USP43: variants seen among roughly 807,000 people sequenced by gnomAD.
USP43 encodes the protein ubiquitin specific peptidase 43.
A neutral mutation model predicts 90.7 loss-of-function variants in USP43; 33 were observed. That is an observed-to-expected ratio of 0.36 (90% CI 0.28 to 0.49). The LOEUF is 0.49. USP43 is among the 20% of genes least tolerant of loss of function. The probability of loss-of-function intolerance (pLI) is 0.98; values close to 1 mark genes in which losing one functional copy is unlikely to be tolerated. For missense variants in USP43, 1,274 were observed against 1,476.4 expected (o/e 0.86, Z 2.25); for synonymous variants, 598 against 615.8 (o/e 0.97, Z 0.43).
chr17:9,713,088 G>A lies in USP43; in HGVS notation c.2335+956G>A, dbSNP rs561040429. Among the ~76,000 whole-genome samples, 9 of 151,932 alleles carry A rather than the reference G, an allele frequency of 5.9e-5. No individual in the cohort carries two copies. The South Asian group carries it at 1.0e-3, about 18-fold the overall frequency. ...ACATGAGAACTTATTTTATCTAACT[G>A]TATATTTGTACTTTTTTTTTGAGAC... On this transcript the variant is annotated intron_variant, in intron 14 of 14. Transcript: ENST00000285199.
intron 14 of USP43, among the ~76,000 whole-genome samples, chr17:9,715,750 G>T (rs1176241175): frequency 4.9e-5 from 5 of 102,476 alleles, no homozygotes; most frequent in Non-Finnish European, 6.1e-5. Context: ...TGTCTCTGTA[G>T]GTATGTGTCT....
intron 2 of USP43, among the ~76,000 whole-genome samples, chr17:9,663,074 T>TTGGGAA (rs1912755303): frequency 6.6e-6 from 1 of 152,022 alleles, no homozygotes. Flanking sequence ...CACCTCGGCT[T>TTGGGAA]CCCAAAGTGC....
intron 1 of USP43, among the ~76,000 whole-genome samples, chr17:9,652,212 C>CAAAAAAAAAAAAAAAAAAAAAAAAAA (rs769295315): frequency 2.3e-5 from 1 of 42,710 alleles, no homozygotes; most frequent in African/African-American, 9.1e-5. Flanking sequence ...GCCCTTAGCG[C>CAAAAAAAAAAAAAAAAAAAAAAAAAA]AAAAAAAAAA....
chr17:9,723,856 G>A (rs1013033810), intron 14 of USP43, among the ~76,000 whole-genome samples: 19 of 151,874 alleles, frequency 1.3e-4, no homozygotes, highest in African/African-American at 3.9e-4. Context: ...TGATCCACCC[G>A]CCTCGGCCTC....
intron 14 of USP43, among the ~76,000 whole-genome samples, chr17:9,723,404 C>T (rs572219215): frequency 5.3e-5 from 8 of 151,950 alleles, no homozygotes; most frequent in Non-Finnish European, 1.0e-4. Flanking sequence ...TAATGATTGT[C>T]TCTCCTGCTT....
At chr17:9,672,006 A>G (rs1425620874) in intron 3 of USP43, among the ~76,000 whole-genome samples, 1 of 151,712 alleles carries the variant, frequency 6.6e-6, no homozygotes, top group Non-Finnish European at 1.5e-5. Flanking sequence ...TTTTATTTTT[A>G]TTTTTTTGAG....
chr17:9,724,792 C>T (rs568390243), intron 14 of USP43, among the ~76,000 whole-genome samples: 2 of 152,318 alleles, frequency 1.3e-5, no homozygotes, highest in East Asian at 1.9e-4. Flanking sequence ...GTATCCCAAG[C>T]GTTGAAGACA....
At chr17:9,659,546 C>G (rs1912504455) in intron 2 of USP43, among the ~76,000 whole-genome samples, 1 of 152,056 alleles carries the variant, frequency 6.6e-6, no homozygotes, top group African/African-American at 2.4e-5. Context: ...TAGGTGGTAC[C>G]TCTTTCTGCT....
At chr17:9,703,464 A>G (rs1238208676) in intron 12 of USP43, among the ~76,000 whole-genome samples, 1 of 152,148 alleles carries the variant, frequency 6.6e-6, no homozygotes, top group East Asian at 1.9e-4. Context: ...AGAATGCCCG[A>G]TTTTGGGGGT....
chr17:9,710,192 C>T (rs932692620), intron 13 of USP43, 78 bp downstream of exon 13: 6 of 1,338,938 alleles, frequency 4.5e-6, no homozygotes, highest in African/African-American at 1.5e-5. Flanking sequence ...AGTTGAACAT[C>T]GAGGACCAGG....
intron 2 of USP43, among the ~76,000 whole-genome samples, chr17:9,657,950 A>T (rs956664487): frequency 2.0e-5 from 3 of 152,240 alleles, no homozygotes; most frequent in Non-Finnish European, 2.9e-5. Context: ...ATTCCATATC[A>T]ATGAGTGAGC....
At chr17:9,657,400 G>C (rs559699317) in intron 2 of USP43, among the ~76,000 whole-genome samples, 1 of 151,834 alleles carries the variant, frequency 6.6e-6, no homozygotes, top group East Asian at 1.9e-4. Flanking sequence ...TCAGCTACTC[G>C]GGAGGCTGAG....
chr17:9,715,969 A>ATG lies in USP43; in HGVS notation c.2335+3847_2335+3848dup, dbSNP rs532624704. ...TGTCTATGTGTATGTATCTGTGTAT[A>ATG]TGTGTGTGTGTCTGTGTTTGTGTAT... On this transcript the variant is annotated intron_variant, in intron 14 of 14. Transcript: ENST00000285199. 1.8e-4 allele frequency among the ~76,000 whole-genome samples: 24 copies of ATG among 133,198 alleles called. No homozygotes were observed. In the East Asian group the frequency reaches 5.4e-3, roughly 30 times the overall value. The allele number at this position is 133,198 out of a possible 152,430, so 87.4% of individuals were successfully genotyped here. A position where few individuals can be genotyped will look rare whatever the true frequency, so the allele number is the denominator to read the frequency against.
chr17:9,654,866 T>C (rs1255318015), intron 1 of USP43, among the ~76,000 whole-genome samples: 1 of 151,698 alleles, frequency 6.6e-6, no homozygotes, highest in East Asian at 1.9e-4. Context: ...GTCTCCCAAG[T>C]AGCTGGGGTT....
chr17:9,694,612 A>ATTAT (rs1175662917), intron 9 of USP43, among the ~76,000 whole-genome samples: 10 of 151,590 alleles, frequency 6.6e-5, no homozygotes, highest in African/African-American at 9.7e-5. Context: ...TTTATTATTT[A>ATTAT]TTATTTATTT....
chr17:9,676,947 G>T lies in USP43; in HGVS notation c.969+66G>T, dbSNP rs1183911380. The stretch of plus-strand genomic sequence containing the variant: ...GAATGCTAACTGAGCCAGCTGTCTA[G>T]GCTGTTTAGGCCAATTTGTGGTTCC... On this transcript the variant is annotated intron_variant, in intron 5 of 14. Coordinates refer to ENST00000285199, the MANE Select transcript of USP43 (RefSeq NM_153210.5). The T allele has an allele frequency of 3.2e-6, 5 of 1,563,658 alleles. No individual in the cohort carries two copies. In the African/African-American group the frequency reaches 6.8e-5, roughly 21 times the overall value.
chr17:9,674,240 T>C lies in USP43; in HGVS notation c.741-651T>C, dbSNP rs1913624589. ...CCCATACTCAGTGCATTTATGTGTGTCACTAAACATTCTTTTCCCTTTTAA... is the reference window on the plus strand; with the variant it reads ...CCCATACTCAGTGCATTTATGTGTGCCACTAAACATTCTTTTCCCTTTTAA... On this transcript the variant is annotated intron_variant, in intron 3 of 14. Coordinates refer to ENST00000285199, the MANE Select transcript of USP43 (RefSeq NM_153210.5). The surrounding 1 kb of genome is among the most constrained non-coding windows in gnomAD (Gnocchi z 4.4). Among the ~76,000 whole-genome samples the C allele has an allele frequency of 6.6e-6, 1 of 152,112 alleles. No homozygotes were observed. Among genetic ancestry groups the C allele is most frequent in the Admixed American group, 6.6e-5 (1 of 15,256 alleles).
chr17:9,715,322 A>G (rs1273588178), intron 14 of USP43, among the ~76,000 whole-genome samples: 3 of 152,078 alleles, frequency 2.0e-5, no homozygotes, highest in Non-Finnish European at 4.4e-5. Flanking sequence ...GCATGGTGGC[A>G]TGTGCCTGTT....
chr17:9,651,107 C>T (rs755835619), intron 1 of USP43, among the ~76,000 whole-genome samples: 3 of 152,036 alleles, frequency 2.0e-5, no homozygotes, highest in South Asian at 2.1e-4. Context: ...TGATTAGGAG[C>T]GAGGTGGACG....
Sources: gnomAD v4.1 joint callset for allele counts (sites outside exome capture counted in the v4.1 genomes callset) on GRCh38, gnomAD v4.1.1 for gene constraint, Gnocchi (gnomAD v3.1) non-coding constraint, MANE v1.5 for transcripts, NCBI Gene and HGNC (gene_info 2026-07-23, HGNC 2026-07-21) for gene names.